CELF2: variants seen among roughly 807,000 people sequenced by gnomAD.
The protein encoded by CELF2 is CUG triplet repeat RNA-binding protein 2.
CELF2 carries 8 observed loss-of-function variants against 62.6 expected under a neutral mutation model. That is an observed-to-expected ratio of 0.13 (90% confidence interval 0.07 to 0.23). CELF2 has a LOEUF of 0.23. Among genes scored for constraint, CELF2 ranks in the 10% least tolerant of loss-of-function variants. The pLI is 1.00. For synonymous variants in CELF2, 258 were observed against 250.0 expected (o/e 1.03, Z -0.30); for missense variants, 333 against 671.0 (o/e 0.50, Z 5.56).
At chr10:10,849,700 C>T (rs191063867) in intron 1 of CELF2, among the ~76,000 whole-genome samples, 14 of 152,216 alleles carry the variant, frequency 9.2e-5, no homozygotes, top group African/African-American at 3.4e-4. Context: ...CTGGCTCGCT[C>T]TCCAATTGTC....
At chr10:10,570,163 T>C in the CELF2 span, among the ~76,000 whole-genome samples, 1 of 152,064 alleles carries the variant, frequency 6.6e-6, no homozygotes, top group Non-Finnish European at 1.5e-5. Context: ...TACAAGGGCA[T>C]TGAGGGGAGC....
At position 10,904,217 on chromosome 10, in the gene CELF2, A is replaced by T. The variant is rs1246936145; in HGVS notation, c.54-15747A>T. On this transcript the variant is annotated intron_variant, in intron 1 of 13. Transcript: ENST00000636488. ...ATCACGCAATATGCCTTGTAATTCT[A>T]TCCATTTTTAATTTTTTTTTTTGTT... 4.2e-5 allele frequency among the ~76,000 whole-genome samples: 5 copies of T among 119,004 alleles called. No individual in the cohort carries two copies. The South Asian group carries it at 1.7e-3, about 41-fold the overall frequency. The allele number at this position is 119,004 out of a possible 152,430, so 78.1% of individuals were successfully genotyped here.
chr10:10,575,725 A>G, the CELF2 span, among the ~76,000 whole-genome samples: 1 of 152,248 alleles, frequency 6.6e-6, no homozygotes, highest in Non-Finnish European at 1.5e-5. Context: ...TTGGTGCAGA[A>G]TAGATGATAA....
intron 1 of CELF2, among the ~76,000 whole-genome samples, chr10:10,869,810 C>A (rs376646790): frequency 5.3e-5 from 8 of 152,108 alleles, no homozygotes; most frequent in Non-Finnish European, 1.2e-4. Context: ...GAAAACCGGC[C>A]ATGAGTCATT....
the CELF2 span, among the ~76,000 whole-genome samples, chr10:10,666,509 C>G: frequency 1.1e-4 from 17 of 152,226 alleles, no homozygotes; most frequent in East Asian, 3.1e-3. Flanking sequence ...GAGAGAAGGC[C>G]CTGAAATCAC....
At chr10:11,144,123 A>G (rs1282583849) in intron 1 of CELF2, among the ~76,000 whole-genome samples, 1 of 152,086 alleles carries the variant, frequency 6.6e-6, no homozygotes, top group African/African-American at 2.4e-5. Context: ...GCCGCATTTC[A>G]TAATGTTAGA....
At chr10:11,141,372 C>G (rs2061332895) in intron 1 of CELF2, among the ~76,000 whole-genome samples, 1 of 152,174 alleles carries the variant, frequency 6.6e-6, no homozygotes, top group Non-Finnish European at 1.5e-5. Flanking sequence ...GCCGACCAGT[C>G]AGGAGCAGAG....
chr10:10,607,868 A>C, the CELF2 span, among the ~76,000 whole-genome samples: 1 of 152,184 alleles, frequency 6.6e-6, no homozygotes, highest in Non-Finnish European at 1.5e-5. Context: ...AGGCAGGAGA[A>C]TCACTTGAAC....
the CELF2 span, among the ~76,000 whole-genome samples, chr10:10,620,786 G>A: frequency 1.4e-5 from 2 of 147,164 alleles, no homozygotes. Context: ...GGCGCCTGTA[G>A]GTAGTCCCAG....
At chr10:10,858,084 A>G (rs2059851390) in intron 1 of CELF2, among the ~76,000 whole-genome samples, 1 of 152,174 alleles carries the variant, frequency 6.6e-6, no homozygotes, top group African/African-American at 2.4e-5. Flanking sequence ...CAGTGGGCTA[A>G]ATTTTAGTGG....
the CELF2 span, among the ~76,000 whole-genome samples, chr10:10,548,299 G>A: frequency 6.6e-6 from 1 of 152,214 alleles, no homozygotes; most frequent in Non-Finnish European, 1.5e-5. Flanking sequence ...TATGCATTTT[G>A]TTGTTGTGTT....
At chr10:11,141,652 G>T (rs1039810425) in intron 1 of CELF2, among the ~76,000 whole-genome samples, 14 of 152,214 alleles carry the variant, frequency 9.2e-5, no homozygotes, top group Middle Eastern at 3.2e-3. Context: ...GCCCTTCACT[G>T]TTGACTTTGA....
Position 10,855,474 on chromosome 10 carries a change from C to T in CELF2, c.53+56657C>T, listed in dbSNP as rs556479873. 5.6e-4 allele frequency among the ~76,000 whole-genome samples: 86 copies of T among 152,308 alleles called. 1 individual carries two copies. The highest frequency in any genetic ancestry group is 1.2e-3 in the Admixed American group (18 of 15,294). Reference sequence around the variant, plus strand: ...ATAACAGAAATACAGTGCCCTGTCACCAAAGGCTAGCAGAGCATAGACAGA... The same window carrying T: ...ATAACAGAAATACAGTGCCCTGTCATCAAAGGCTAGCAGAGCATAGACAGA... On this transcript the variant is annotated intron_variant, in intron 1 of 13. Transcript: ENST00000636488.
intron 2 of CELF2, chr10:10,946,779 T>A (rs1292391595): frequency 6.6e-6 from 1 of 152,252 alleles, no homozygotes; most frequent in Non-Finnish European, 1.5e-5. Flanking sequence ...GAACCCTCTG[T>A]ACTTACCTAA....
At chr10:11,065,787 G>A (rs2067967173) in intron 1 of CELF2, among the ~76,000 whole-genome samples, 1 of 152,166 alleles carries the variant, frequency 6.6e-6, no homozygotes, top group African/African-American at 2.4e-5. Context: ...TATGGTCAGG[G>A]TGAGGGGTAG....
chr10:10,924,871 G>A (rs1025667694), intron 2 of CELF2: 1 of 152,100 alleles, frequency 6.6e-6, no homozygotes, highest in East Asian at 1.9e-4. Flanking sequence ...GAAATGCCTG[G>A]TTTGTGTGAC....
intron 1 of CELF2, among the ~76,000 whole-genome samples, chr10:10,830,809 A>G (rs1015720696): frequency 2.0e-5 from 3 of 152,196 alleles, no homozygotes; most frequent in Non-Finnish European, 4.4e-5. Flanking sequence ...TGTGTTAGTC[A>G]TTTTTGGTTG....
the CELF2 span, among the ~76,000 whole-genome samples, chr10:10,548,510 G>T: frequency 6.6e-6 from 1 of 152,100 alleles, no homozygotes; most frequent in African/African-American, 2.4e-5. Flanking sequence ...TAGTATGTTT[G>T]CCATTTTTGA....
intron 3 of CELF2, among the ~76,000 whole-genome samples, chr10:11,218,859 A>C (rs925661641): frequency 2.6e-5 from 4 of 152,152 alleles, no homozygotes; most frequent in African/African-American, 7.2e-5. Context: ...TTTAACACAG[A>C]TTCTAGGAGA....
Sources: gnomAD v4.1 joint callset for allele counts (sites outside exome capture counted in the v4.1 genomes callset) on GRCh38, gnomAD v4.1.1 for gene constraint, MANE v1.5 for transcripts, NCBI Gene and HGNC (gene_info 2026-07-23, HGNC 2026-07-21) for gene names.